Variants in ADARB2 observed in about 807,000 individuals in gnomAD.
The protein encoded by ADARB2 is adenosine deaminase RNA specific B2 (inactive), also known as inactive double-stranded RNA-specific editase B2.
In ADARB2, 25 loss-of-function variants were observed where a neutral mutation model predicts 62.2. The ratio of observed to expected loss-of-function variants is 0.40; its 90% CI spans 0.29 to 0.56. ADARB2 has a LOEUF of 0.56. Ranked by LOEUF, ADARB2 falls within the 20% of genes least tolerant of loss-of-function variation. The probability of loss-of-function intolerance (pLI) is 0.43; values close to 1 mark genes in which losing one functional copy is unlikely to be tolerated. For synonymous variants in ADARB2, 572 were observed against 500.8 expected, an observed-to-expected ratio of 1.14 and a Z score of -1.90; for missense variants, 1,071 against 1,077.4, an observed-to-expected ratio of 0.99 and a Z score of 0.08.
chr10:1,707,223 A>G (rs947700617), intron 1 of ADARB2, among the ~76,000 whole-genome samples: 1 of 152,240 alleles, frequency 6.6e-6, no homozygotes, highest in Admixed American at 6.5e-5. Flanking sequence ...CGATCTGCCC[A>G]GGACCTGCCC....
At position 1,610,994 on chromosome 10, in the gene ADARB2, T is replaced by C. The variant is rs374988809; in HGVS notation, c.100+126057A>G. On this transcript the variant is annotated intron_variant, in intron 1 of 9. Coordinates refer to ENST00000381312, the MANE Select transcript of ADARB2 (RefSeq NM_018702.4). ...ATAAAATGTCCACCAAATTGTACAT[T>C]AGTGGTAGGAAATACATATGGTCCA... is the stretch of plus-strand genomic sequence containing the variant. Among the ~76,000 whole-genome samples, 3 of 152,162 alleles carry C rather than the reference T, an allele frequency of 2.0e-5. No homozygotes were observed. The East Asian group carries it at 5.8e-4, about 29-fold the overall frequency.
intron 4 of ADARB2, among the ~76,000 whole-genome samples, chr10:1,268,596 G>T (rs1370850830): frequency 6.6e-6 from 1 of 152,182 alleles, no homozygotes; most frequent in African/African-American, 2.4e-5. Flanking sequence ...TTAGGTATTT[G>T]CTTGAATAAC....
chr10:1,602,139 G>C (rs1443598104), intron 1 of ADARB2, among the ~76,000 whole-genome samples: 1 of 152,162 alleles, frequency 6.6e-6, no homozygotes, highest in African/African-American at 2.4e-5. Flanking sequence ...ATGGCTGGCT[G>C]TCCTGCAGTG....
intron 1 of ADARB2, among the ~76,000 whole-genome samples, chr10:1,421,187 G>A (rs1161953802): frequency 6.6e-6 from 1 of 151,900 alleles, no homozygotes; most frequent in Non-Finnish European, 1.5e-5. Flanking sequence ...GGACCAAAGG[G>A]GCCCTCTGCA....
chr10:1,400,048 C>T (rs1277407940), intron 1 of ADARB2, among the ~76,000 whole-genome samples: 2 of 152,218 alleles, frequency 1.3e-5, no homozygotes, highest in Non-Finnish European at 2.9e-5. Flanking sequence ...CGAGAATTAG[C>T]AGGTTCAGAT....
intron 1 of ADARB2, among the ~76,000 whole-genome samples, chr10:1,626,680 T>A (rs1833773734): frequency 6.6e-6 from 1 of 152,146 alleles, no homozygotes; most frequent in Non-Finnish European, 1.5e-5. Context: ...CGTGAATGAC[T>A]TGCCAGGGCC....
At chr10:1,657,640 C>G (rs374261240) in intron 1 of ADARB2, among the ~76,000 whole-genome samples, 113 of 152,288 alleles carry the variant, frequency 7.4e-4, no homozygotes, top group African/African-American at 2.6e-3. Context: ...TACCAAGTAA[C>G]AGACCTCAGA....
At chr10:1,569,768 T>TTA (rs1554772524) in intron 1 of ADARB2, among the ~76,000 whole-genome samples, 34 of 151,778 alleles carry the variant, frequency 2.2e-4, no homozygotes, top group African/African-American at 8.0e-4. Flanking sequence ...CATTTTTTTT[T>TTA]AAAAAAATGT....
chr10:1,728,201 T>C (rs961983391), intron 1 of ADARB2, among the ~76,000 whole-genome samples: 1 of 152,230 alleles, frequency 6.6e-6, no homozygotes, highest in South Asian at 2.1e-4. Flanking sequence ...ACAAAAAGAT[T>C]TATTTCAGTT....
At chr10:1,335,162 G>T (rs764436299) in intron 3 of ADARB2, among the ~76,000 whole-genome samples, 1 of 151,894 alleles carries the variant, frequency 6.6e-6, no homozygotes, top group African/African-American at 2.4e-5. Context: ...AGCTACCTGC[G>T]CCTGGGGCAG....
At chr10:1,337,750 T>C (rs1210194313) in intron 3 of ADARB2, among the ~76,000 whole-genome samples, 1 of 152,230 alleles carries the variant, frequency 6.6e-6, no homozygotes, top group Non-Finnish European at 1.5e-5. Flanking sequence ...ACTATATTGA[T>C]TTTATTGCAT....
At chr10:1,273,159 G>C (rs1322410185) in intron 3 of ADARB2, among the ~76,000 whole-genome samples, 1 of 151,440 alleles carries the variant, frequency 6.6e-6, no homozygotes. Flanking sequence ...CGTTTTCTCA[G>C]TCACCGTCAT....
At chr10:1,338,162 T>A (rs1418607741) in intron 3 of ADARB2, among the ~76,000 whole-genome samples, 1 of 152,228 alleles carries the variant, frequency 6.6e-6, no homozygotes, top group Non-Finnish European at 1.5e-5. Flanking sequence ...AGACAGTTCG[T>A]TAAAAATAGG....
intron 1 of ADARB2, among the ~76,000 whole-genome samples, chr10:1,462,102 C>T (rs1355039651): frequency 1.3e-5 from 2 of 152,204 alleles, no homozygotes; most frequent in Admixed American, 6.5e-5. Flanking sequence ...GTGTGTTCAG[C>T]TTCTCTGCCC....
Position 1,675,018 on chromosome 10 carries a change from G to A in ADARB2, c.100+62033C>T, listed in dbSNP as rs372295872. The A allele has an allele frequency of 4.8e-4, 468 of 981,634 alleles. No homozygotes were observed. In the African/African-American group the frequency reaches 7.1e-3, roughly 15 times the overall value. The allele number at this position is 981,634 out of a possible 1,614,324, so 60.8% of individuals were successfully genotyped here. ...GGATATTCTGGAGGTTTGGGTTTGG[G>A]GGTACATGGATGTTCTGGAGGTTTG... is the stretch of plus-strand genomic sequence containing the variant. On this transcript the variant is annotated intron_variant, in intron 1 of 9. Transcript: ENST00000381312.
rs191172402 is a variant in ADARB2, at chr10:1,203,579, G to A, written c.1683-3432C>T. On this transcript the variant is annotated intron_variant, in intron 7 of 9. Transcript: ENST00000381312. Reference sequence around the variant, plus strand: ...CAGGCCTGCTGCTGGGATCATCTGGGAGCTTTGAGGATCTCCAGAGGTCTG... The same window carrying A: ...CAGGCCTGCTGCTGGGATCATCTGGAAGCTTTGAGGATCTCCAGAGGTCTG... Among the ~76,000 whole-genome samples, 59 of 152,276 alleles carry A rather than the reference G, an allele frequency of 3.9e-4. 1 individual carries two copies. The highest frequency in any genetic ancestry group is 1.4e-3 in the African/African-American group (58 of 41,550).
intron 1 of ADARB2, among the ~76,000 whole-genome samples, chr10:1,476,969 A>ACCC (rs1831409462): frequency 6.6e-6 from 1 of 152,106 alleles, no homozygotes; most frequent in African/African-American, 2.4e-5. Flanking sequence ...CAGAGACACA[A>ACCC]GTGCTGGGCT....
intron 1 of ADARB2, among the ~76,000 whole-genome samples, chr10:1,496,564 A>G (rs1179936101): frequency 1.3e-5 from 2 of 152,160 alleles, no homozygotes; most frequent in African/African-American, 4.8e-5. Context: ...AGTCATCATC[A>G]TAACCATCAT....
At chr10:1,275,452 T>G (rs953116156) in intron 3 of ADARB2, among the ~76,000 whole-genome samples, 13 of 152,208 alleles carry the variant, frequency 8.5e-5, no homozygotes, top group African/African-American at 3.1e-4. Context: ...GGCAGGGCAC[T>G]TCCTCTCCCC....
Sources: gnomAD v4.1 joint callset for allele counts (sites outside exome capture counted in the v4.1 genomes callset) on GRCh38, gnomAD v4.1.1 for gene constraint, MANE v1.5 for transcripts, NCBI Gene and HGNC (gene_info 2026-07-23, HGNC 2026-07-21) for gene names.